The following SPESP1 variants were observed in gnomAD, a reference collection of about 807,000 sequenced individuals.
The protein encoded by SPESP1 is equatorial segment protein.
SPESP1 carries 1 observed loss-of-function variant against 3.1 expected under a neutral mutation model. The ratio of observed to expected loss-of-function variants is 0.33; its 90% CI spans 0.12 to 1.54. The LOEUF is 1.54. Among genes scored for constraint, SPESP1 ranks in the 40% most tolerant of loss-of-function variants. The pLI is 0.38. For missense variants in SPESP1, 398 were observed against 410.1 expected, an observed-to-expected ratio of 0.97 and a Z score of 0.26; for synonymous variants, 138 against 150.7, an observed-to-expected ratio of 0.92 and a Z score of 0.62.
chr15:68,931,023 T>G (rs1895522182), intron 1 of SPESP1, among the ~76,000 whole-genome samples: 1 of 152,168 alleles, frequency 6.6e-6, no homozygotes, highest in Non-Finnish European at 1.5e-5. Context: ...CCATTGGGCG[T>G]GTGACCGTGC....
Position 68,946,074 on chromosome 15 carries a change from T to G in SPESP1, c.540T>G (p.Pro180=). ...CATATGTTACCTCATACAAGTCACC[T>G]GTCACCACTTTAGATAAGAGCACTG... The part of the protein sequence containing the change: ...TSPYVTSYKS[P]VTTLDKSTGI... Residue 180 remains proline (P), a synonymous_variant, in exon 2 of 2, where the codon CCT becomes CCG. Transcript: ENST00000310673. The G allele has an allele frequency of 6.2e-7, 1 of 1,614,190 alleles. No homozygotes were observed. The highest frequency in any genetic ancestry group is 2.2e-5 in the East Asian group (1 of 44,878).
At chr15:68,940,041 G>A (rs767141540) in intron 1 of SPESP1, among the ~76,000 whole-genome samples, 9 of 151,942 alleles carry the variant, frequency 5.9e-5, no homozygotes, top group East Asian at 1.9e-4. Context: ...ATTTTATTAC[G>A]GAAAAATTTA....
At chr15:68,942,507 T>C (rs1030766867) in intron 1 of SPESP1, among the ~76,000 whole-genome samples, 1 of 152,200 alleles carries the variant, frequency 6.6e-6, no homozygotes, top group Non-Finnish European at 1.5e-5. Flanking sequence ...ATTCTTATCT[T>C]GTTCCTGTCT....
rs535191581 is a variant in SPESP1 at position 68,933,951 on chromosome 15, TG to T, written c.64+3236del. ...TCAACTACTATTAAAATTATATAAT[TG>T]GCCTTTTTAAATTTTAAGTCATCAA... On this transcript the variant is annotated intron_variant, in intron 1 of 1. Coordinates refer to ENST00000310673, the MANE Select transcript of SPESP1 (RefSeq NM_145658.4). 3.3e-5 allele frequency among the ~76,000 whole-genome samples: 5 copies of T among 152,168 alleles called. No homozygotes were observed. The East Asian group carries it at 7.7e-4, about 23-fold the overall frequency.
chr15:68,933,788 G>A (rs530849237), intron 1 of SPESP1, among the ~76,000 whole-genome samples: 1 of 152,020 alleles, frequency 6.6e-6, no homozygotes, highest in South Asian at 2.1e-4. Context: ...GAGCCCAGGA[G>A]GTAGAGGTTG....
At chr15:68,937,281 A>G (rs967163000) in intron 1 of SPESP1, among the ~76,000 whole-genome samples, 1 of 152,134 alleles carries the variant, frequency 6.6e-6, no homozygotes, top group African/African-American at 2.4e-5. Flanking sequence ...GTATGGTTCT[A>G]GGCACTGGGT....
At chr15:68,942,169 C>CTTTTTTTTTTTTTTT (rs778249415) in intron 1 of SPESP1, among the ~76,000 whole-genome samples, 11 of 142,886 alleles carry the variant, frequency 7.7e-5, no homozygotes, top group South Asian at 2.2e-4. Flanking sequence ...CATCTTATTT[C>CTTTTTTTTTTTTTTT]TTTTTTTTTT....
chr15:68,932,986 T>TA (rs201599774), intron 1 of SPESP1, among the ~76,000 whole-genome samples: 1,761 of 152,148 alleles, frequency 0.012, 20 homozygotes, highest in Non-Finnish European at 0.019. Context: ...AATTTTGTTT[T>TA]TAAAATAAGT....
chr15:68,933,175 C>T (rs1337609907), intron 1 of SPESP1, among the ~76,000 whole-genome samples: 1 of 152,152 alleles, frequency 6.6e-6, no homozygotes, highest in African/African-American at 2.4e-5. Context: ...GGTTATTACG[C>T]AAACATCACG....
rs769333431 is a variant in SPESP1 at position 68,946,192 on chromosome 15, A to C, written c.658A>C (p.Ser220Arg). The change falls in exon 2 of 2, where the codon AGT (serine) becomes CGT (arginine). Residue 220 changes from serine (S) to arginine (R), a missense_variant. Transcript: ENST00000310673. ...CGAAGAGTTTGGAAAGCACCCAGAG[A>C]GTTGGAATAATGATGACATTTTGAA... ...KPEEFGKHPESWNNDDILKKI... is the reference protein window; with the variant it reads ...KPEEFGKHPERWNNDDILKKI... 2 of 1,614,208 alleles carry C rather than the reference A, an allele frequency of 1.2e-6. No homozygotes were observed. Among genetic ancestry groups the C allele is most frequent in the African/African-American group, 2.7e-5 (2 of 75,046 alleles).
chr15:68,940,853 A>G (rs774224286), intron 1 of SPESP1, among the ~76,000 whole-genome samples: 4 of 151,700 alleles, frequency 2.6e-5, no homozygotes, highest in South Asian at 2.1e-4. Context: ...TTAGGTATAC[A>G]TAGCCATAGA....
At chr15:68,933,281 G>C (rs139312404) in intron 1 of SPESP1, among the ~76,000 whole-genome samples, 1 of 152,094 alleles carries the variant, frequency 6.6e-6, no homozygotes, top group African/African-American at 2.4e-5. Context: ...GCTAGTATTT[G>C]TTTAATCTAA....
chr15:68,937,625 C>G (rs1035472335), intron 1 of SPESP1, among the ~76,000 whole-genome samples: 5 of 152,070 alleles, frequency 3.3e-5, no homozygotes, highest in African/African-American at 1.2e-4. Context: ...CACCCCCCAC[C>G]CACCAACAGG....
chr15:68,936,507 A>G (rs920106767), intron 1 of SPESP1, among the ~76,000 whole-genome samples: 4 of 152,216 alleles, frequency 2.6e-5, no homozygotes, highest in Non-Finnish European at 4.4e-5. Context: ...TGTCTAGCAT[A>G]GGCAAATGCG....
intron 1 of SPESP1, among the ~76,000 whole-genome samples, chr15:68,933,353 A>ACG (rs1895600837): frequency 1.3e-5 from 2 of 152,234 alleles, no homozygotes; most frequent in South Asian, 4.1e-4. Flanking sequence ...ACATACACAC[A>ACG]CACACATCCT....
chr15:68,930,553 G>A lies in SPESP1; in HGVS notation c.-101G>A. The stretch of plus-strand genomic sequence containing the variant: ...GCTGGGTGTCCCAGGGCCTGAGGCA[G>A]GACGGTACTCCGCTGACACCTTCCC... On this transcript the variant is annotated 5_prime_UTR_variant, in exon 1 of 2. Transcript: ENST00000310673. 6.6e-7 allele frequency: 1 copy of A among 1,515,442 alleles called. No homozygotes were observed. Among genetic ancestry groups the A allele is most frequent in the Non-Finnish European group, 9.1e-7 (1 of 1,099,200 alleles). The allele number at this position is 1,515,442 out of a possible 1,614,324, so 93.9% of individuals were successfully genotyped here. A position where few individuals can be genotyped will look rare whatever the true frequency, so the allele number is the denominator to read the frequency against.
chr15:68,934,255 A>G (rs1467637501), intron 1 of SPESP1, among the ~76,000 whole-genome samples: 1 of 152,196 alleles, frequency 6.6e-6, no homozygotes, highest in African/African-American at 2.4e-5. Flanking sequence ...GGCTTCTGTC[A>G]TTGTGTTTAG....
At position 68,946,696 on chromosome 15, in the gene SPESP1, G is replaced by A. The variant is rs1029100932; in HGVS notation, c.*109G>A. 6.5e-6 allele frequency: 8 copies of A among 1,238,446 alleles called. No homozygotes were observed. Among genetic ancestry groups the A allele is most frequent in the Non-Finnish European group, 8.2e-6 (8 of 971,206 alleles). 76.7% of individuals were successfully genotyped at this position (1,238,446 alleles called of 1,614,324 possible). On this transcript the variant is annotated 3_prime_UTR_variant, in exon 2 of 2. Transcript: ENST00000310673. ...AATCATATTCGTAATTTCAAAAGTT[G>A]TATAAAAATATTTTCTATTGTAGTT...
Position 68,945,717 on chromosome 15 carries a change from A to C in SPESP1, c.183A>C (p.Pro61=). 3.1e-6 allele frequency: 5 copies of C among 1,614,110 alleles called. No homozygotes were observed. Among genetic ancestry groups the C allele is most frequent in the Non-Finnish European group, 4.2e-6 (5 of 1,180,012 alleles). ...GTCGTGAGAAAAAATCTAACTCTCC[A>C]AAACATGTTTATTCTATAGCATCAA... The part of the protein sequence containing the change: ...EPGREKKSNS[P]KHVYSIASKG... Residue 61 remains proline, a synonymous_variant, in exon 2 of 2, where the codon CCA becomes CCC. Transcript: ENST00000310673.
Sources: allele counts gnomAD v4.1 joint callset (sites outside exome capture counted in the v4.1 genomes callset), GRCh38; gene constraint gnomAD v4.1.1; transcripts MANE v1.5; gene names NCBI Gene and HGNC (gene_info 2026-07-23, HGNC 2026-07-21).